The following TCTN3 variants were observed in gnomAD, a reference collection of about 807,000 sequenced individuals.
TCTN3 encodes tectonic-3.
TCTN3 carries 57 observed loss-of-function variants against 71.3 expected under a neutral mutation model. The observed-to-expected ratio is 0.80, with a 90% CI of 0.65 to 1.00. The LOEUF (loss-of-function observed/expected upper bound fraction) is 1.00, where lower values mean the gene tolerates loss of function less well. Among genes scored for constraint, TCTN3 ranks in the 50% least tolerant of loss-of-function variants. The pLI is 0.00. For synonymous variants in TCTN3, 258 were observed against 267.8 expected, an observed-to-expected ratio of 0.96 and a Z score of 0.36; for missense variants, 696 against 719.9, an observed-to-expected ratio of 0.97 and a Z score of 0.38.
At chr10:95,680,372 A>G in intron 13 of TCTN3, 100 bp downstream of exon 13, 1 of 1,407,760 alleles carries the variant, frequency 7.1e-7, no homozygotes, top group Non-Finnish European at 9.5e-7. Flanking sequence ...GCTAACATAA[A>G]TTAGCTCTTG....
intron 13 of TCTN3, among the ~76,000 whole-genome samples, chr10:95,674,401 T>C (rs528201353): frequency 2.6e-5 from 4 of 152,206 alleles, no homozygotes; most frequent in South Asian, 4.1e-4. Flanking sequence ...AGTTAAAGAA[T>C]ATAAATAAAA....
In TCTN3 at chr10:95,686,600, A is replaced by G. The variant is rs1589617597; in HGVS notation, c.853-70T>C. ...AATCACCAGGAGCTTGTGGTTTCAT[A>G]TTACTACCAATAGGCTTTGGTTTGG... On this transcript the variant is annotated intron_variant, in intron 6 of 13. Transcript: ENST00000371217. The G allele has an allele frequency of 2.7e-6, 4 of 1,487,956 alleles. No individual in the cohort carries two copies. The East Asian group carries it at 6.8e-5, about 25-fold the overall frequency. 92.2% of individuals were successfully genotyped at this position (1,487,956 alleles called of 1,614,324 possible).
rs760478116 is a variant in TCTN3 at position 95,683,524 on chromosome 10, A to G, written c.1201T>C (p.Ser401Pro). 1 of 1,614,208 alleles carries G rather than the reference A, an allele frequency of 6.2e-7. No individual in the cohort carries two copies. The highest frequency in any genetic ancestry group is 1.1e-5 in the South Asian group (1 of 91,078). The change falls in exon 10 of 14, where the codon TCA (serine) becomes CCA (proline). Residue 401 changes from serine to proline, a missense_variant and splice_region_variant. Physicochemically the swap from Ser to Pro is moderately conservative, Grantham distance 74. Coordinates refer to ENST00000371217, the MANE Select transcript of TCTN3 (RefSeq NM_015631.6). ...CCACCCAGCTCTAAAAAGGATACTG[A>G]GTAACTTATATCATCAGTCAGAGCC... ...LLALTDDISY[S>P]MTLLQSQGNG...
chr10:95,674,479 G>A (rs1011224848), intron 13 of TCTN3, among the ~76,000 whole-genome samples: 1 of 151,732 alleles, frequency 6.6e-6, no homozygotes, highest in Admixed American at 6.6e-5. Flanking sequence ...TATACACACG[G>A]ATATCCATAT....
intron 4 of TCTN3, 114 bp from the exon 5 acceptor site, chr10:95,687,469 C>G (rs1274260905): frequency 5.9e-6 from 9 of 1,518,246 alleles, no homozygotes; most frequent in Non-Finnish European, 8.1e-6. Context: ...GACAGTACTG[C>G]CCTCCAAAGA....
rs1176417281 is a variant in TCTN3 at position 95,663,840 on chromosome 10, G to A, written c.*227C>T. ...CCAGCTTGAGAAGTAGGGGCCTCAT[G>A]TGTATCTGGTGGCCTGCAGAGCCCA... On this transcript the variant is annotated 3_prime_UTR_variant, in exon 14 of 14. Coordinates refer to ENST00000371217, the MANE Select transcript of TCTN3 (RefSeq NM_015631.6). 4.3e-6 allele frequency: 2 copies of A among 464,952 alleles called. No homozygotes were observed. Among genetic ancestry groups the A allele is most frequent in the Non-Finnish European group, 7.8e-6 (2 of 256,652 alleles). The allele number at this position is 464,952 out of a possible 1,614,324, so 28.8% of individuals were successfully genotyped here. A position where few individuals can be genotyped will look rare whatever the true frequency, so the allele number is the denominator to read the frequency against.
At chr10:95,664,365 C>A in intron 13 of TCTN3, 65 bp from the exon 14 acceptor site, 1 of 1,339,860 alleles carries the variant, frequency 7.5e-7, no homozygotes, top group Admixed American at 1.8e-5. Flanking sequence ...TCTAACTTGG[C>A]TGTTATTATT....
intron 2 of TCTN3, 136 bp from the exon 3 acceptor site, chr10:95,693,174 T>G: frequency 2.4e-6 from 3 of 1,229,254 alleles, no homozygotes; most frequent in South Asian, 3.0e-5. Context: ...AAGGTCTTAT[T>G]CTACTGGCCA....
At chr10:95,674,434 G>A (rs561769261) in intron 13 of TCTN3, among the ~76,000 whole-genome samples, 26 of 151,582 alleles carry the variant, frequency 1.7e-4, no homozygotes, top group South Asian at 4.2e-4. Context: ...TATTTCTACC[G>A]CTAAGAATAC....
At position 95,683,610 on chromosome 10, in the gene TCTN3, G is replaced by A; in HGVS notation, c.1115C>T (p.Ala372Val). 6.2e-7 allele frequency: 1 copy of A among 1,612,720 alleles called. No homozygotes were observed. Among genetic ancestry groups the A allele is most frequent in the Non-Finnish European group, 8.5e-7 (1 of 1,179,436 alleles). The part of the protein sequence containing the change: ...LRFRAFQQST[A>V]ASLTSPRSGN... ...ACTTCTAGGACTGGTGAGAGAAGCA[G>A]CTGTGCTCTGTTGAAAAGCCTGCAG... The change falls in exon 10 of 14, where the codon GCT becomes GTT. Residue 372 changes from alanine (A) to valine (V), a missense_variant. Ala to Val is a moderately conservative substitution (Grantham distance 64, BLOSUM62 0). Transcript: ENST00000371217.
At chr10:95,678,682 C>T (rs2097939879) in intron 13 of TCTN3, among the ~76,000 whole-genome samples, 1 of 151,688 alleles carries the variant, frequency 6.6e-6, no homozygotes, top group African/African-American at 2.4e-5. Context: ...AATTTGCATT[C>T]AAGATTGAAG....
chr10:95,665,208 A>G (rs1046073996), intron 13 of TCTN3, among the ~76,000 whole-genome samples: 22 of 152,154 alleles, frequency 1.4e-4, no homozygotes, highest in African/African-American at 4.6e-4. Context: ...TCCTGGGCTC[A>G]AGTGATCCTC....
rs793888508 is a variant in TCTN3, at chr10:95,685,585, C to T, written c.940G>A (p.Gly314Arg). 1.3e-6 allele frequency: 2 copies of T among 1,551,470 alleles called. No individual in the cohort carries two copies. Among genetic ancestry groups the T allele is most frequent in the Non-Finnish European group, 8.7e-7 (1 of 1,146,858 alleles). The change falls in exon 8 of 14, where the codon GGA becomes AGA. Residue 314 changes from glycine (G) to arginine (R), a missense_variant. Transcript: ENST00000371217. ...TSQANAPLLAGNTCQNVVSQV... is the reference protein window; with the variant it reads ...TSQANAPLLARNTCQNVVSQV... The stretch of plus-strand genomic sequence containing the variant: ...GAAACTACATTCTGACAAGTGTTTC[C>T]AGCCAACAGAGGAGCATTAGCCTGT...
intron 13 of TCTN3, among the ~76,000 whole-genome samples, chr10:95,668,271 A>AAAG (rs1555268223): frequency 3.4e-5 from 5 of 147,388 alleles, no homozygotes; most frequent in African/African-American, 9.9e-5. Flanking sequence ...AAAAAAAAAA[A>AAAG]AGAGATATCA....
intron 12 of TCTN3, among the ~76,000 whole-genome samples, chr10:95,681,272 C>T (rs1420073067): frequency 1.3e-5 from 2 of 152,084 alleles, no homozygotes; most frequent in African/African-American, 2.4e-5. Flanking sequence ...GACAGAGTTT[C>T]ACCATGTTGG....
intron 13 of TCTN3, among the ~76,000 whole-genome samples, chr10:95,668,501 TTG>T (rs1463263629): frequency 1.3e-5 from 2 of 152,118 alleles, no homozygotes; most frequent in Non-Finnish European, 2.9e-5. Flanking sequence ...GCCTTCAAAA[TTG>T]TGAGTGAAAA....
chr10:95,693,616 T>C (rs1285507349), intron 1 of TCTN3, 28 bp downstream of exon 1: 3 of 1,548,172 alleles, frequency 1.9e-6, no homozygotes, highest in African/African-American at 2.8e-5. Flanking sequence ...CAGAAGTAAG[T>C]TTCCACCCCC....
chr10:95,687,759 A>G, intron 3 of TCTN3, 40 bp from the exon 4 acceptor site: 1 of 1,584,312 alleles, frequency 6.3e-7, no homozygotes, highest in Non-Finnish European at 8.6e-7. Flanking sequence ...TAGATAAAAG[A>G]AAAACATGCC....
chr10:95,669,757 T>C (rs1362490170), intron 13 of TCTN3, among the ~76,000 whole-genome samples: 2 of 152,204 alleles, frequency 1.3e-5, no homozygotes, highest in Non-Finnish European at 2.9e-5. Context: ...GTAGAAAGTA[T>C]GTCACAGCTA....
Sources: allele counts gnomAD v4.1 joint callset (sites outside exome capture counted in the v4.1 genomes callset), GRCh38; gene constraint gnomAD v4.1.1; transcripts MANE v1.5; gene names NCBI Gene and HGNC (gene_info 2026-07-23, HGNC 2026-07-21).